PLXNA4: variants seen among roughly 807,000 people sequenced by gnomAD.
PLXNA4 encodes the protein plexin-A4.
PLXNA4 carries 44 observed loss-of-function variants against 191.8 expected under a neutral mutation model. The observed-to-expected ratio is 0.23, with a 90% CI of 0.18 to 0.29. The LOEUF (loss-of-function observed/expected upper bound fraction) is 0.29. Among genes scored for constraint, PLXNA4 ranks in the 10% least tolerant of loss-of-function variants. The pLI is 1.00. For synonymous variants in PLXNA4, 1,082 were observed against 1,009.5 expected, an observed-to-expected ratio of 1.07 and a Z score of -1.36; for missense variants, 1,800 against 2,488.8, an observed-to-expected ratio of 0.72 and a Z score of 5.89.
intron 3 of PLXNA4, among the ~76,000 whole-genome samples, chr7:132,439,324 C>A (rs912870964): frequency 1.3e-5 from 2 of 152,186 alleles, no homozygotes; most frequent in Non-Finnish European, 1.5e-5. Flanking sequence ...AGGCTATCTG[C>A]AAACTGGTCT....
rs10251524 is a variant in PLXNA4 at position 132,455,493 on chromosome 7, G to A, written c.1371+33799C>T. On this transcript the variant is annotated intron_variant, in intron 3 of 31. Transcript: ENST00000321063. ...CGCTCGAATTGACACTTGGAGACAT[G>A]CCAAACCCCAATGCACTCACTCACA... 9.4e-3 allele frequency among the ~76,000 whole-genome samples: 1,426 copies of A among 152,098 alleles called. 19 individuals are homozygous for A. Among genetic ancestry groups the A allele is most frequent in the African/African-American group, 0.033 (1,353 of 41,490 alleles).
intron 4 of PLXNA4, among the ~76,000 whole-genome samples, chr7:132,249,680 C>T (rs1799179386): frequency 1.3e-5 from 2 of 152,222 alleles, no homozygotes; most frequent in African/African-American, 4.8e-5. Context: ...AGGGCGGTGG[C>T]AAAGGTGGAA....
intron 19 of PLXNA4, 61 bp downstream of exon 19, chr7:132,180,525 T>C: frequency 1.3e-6 from 2 of 1,598,402 alleles, no homozygotes; most frequent in Non-Finnish European, 1.7e-6. Flanking sequence ...CTTGGTGGCC[T>C]GAGCTCACAT....
At chr7:132,225,615 C>CT (rs1242635152) in intron 8 of PLXNA4, among the ~76,000 whole-genome samples, 1 of 92,428 alleles carries the variant, frequency 1.1e-5, no homozygotes, top group African/African-American at 5.3e-5. Context: ...AGCCAGAGTC[C>CT]GCCCCCCCCC....
At chr7:132,271,300 C>T (rs1003245002) in intron 4 of PLXNA4, 1 of 152,038 alleles carries the variant, frequency 6.6e-6, no homozygotes, top group Non-Finnish European at 1.5e-5. Context: ...CCTATTCTAT[C>T]CTATCTCATC....
chr7:132,131,139 G>C (rs1794914372), intron 31 of PLXNA4, among the ~76,000 whole-genome samples: 1 of 152,152 alleles, frequency 6.6e-6, no homozygotes, highest in Non-Finnish European at 1.5e-5. Flanking sequence ...AGCTTTCCTG[G>C]TCATTAACAC....
At chr7:132,195,711 T>A (rs1482527300) in intron 13 of PLXNA4, among the ~76,000 whole-genome samples, 1 of 152,254 alleles carries the variant, frequency 6.6e-6, no homozygotes, top group East Asian at 1.9e-4. Context: ...GTTTTTAAGA[T>A]CTCATATAGC....
At chr7:132,497,885 A>G (rs1341545931) in intron 2 of PLXNA4, among the ~76,000 whole-genome samples, 5 of 152,148 alleles carry the variant, frequency 3.3e-5, no homozygotes, top group African/African-American at 7.2e-5. Flanking sequence ...TGTCTTTTTC[A>G]ATGAGATTGT....
chr7:132,609,078 A>C (rs1035234542), intron 2 of PLXNA4, among the ~76,000 whole-genome samples: 6 of 152,142 alleles, frequency 3.9e-5, no homozygotes, highest in African/African-American at 1.4e-4. Context: ...CTCAGTGTCC[A>C]CATGAGTGAC....
intron 3 of PLXNA4, among the ~76,000 whole-genome samples, chr7:132,344,490 C>T (rs747679049): frequency 6.6e-6 from 1 of 152,162 alleles, no homozygotes; most frequent in Non-Finnish European, 1.5e-5. Context: ...CGTGGAGCAA[C>T]TGCATGTGCC....
intron 9 of PLXNA4, among the ~76,000 whole-genome samples, chr7:132,214,627 G>A (rs1381091918): frequency 2.6e-5 from 4 of 152,014 alleles, no homozygotes; most frequent in African/African-American, 9.7e-5. Flanking sequence ...CTACAGATCT[G>A]ACACTCCAGG....
chr7:132,361,213 A>G (rs946996354), intron 3 of PLXNA4, among the ~76,000 whole-genome samples: 7 of 152,116 alleles, frequency 4.6e-5, no homozygotes, highest in Admixed American at 4.6e-4. Flanking sequence ...TTGGCAGATG[A>G]CAATCATGAG....
intron 2 of PLXNA4, among the ~76,000 whole-genome samples, chr7:132,617,637 C>T (rs1248924061): frequency 6.6e-6 from 1 of 152,144 alleles, no homozygotes; most frequent in East Asian, 1.9e-4. Flanking sequence ...AGGCTTCCTC[C>T]CATGAAATCT....
chr7:132,272,562 C>G (rs1057163648), intron 4 of PLXNA4, among the ~76,000 whole-genome samples: 4 of 152,164 alleles, frequency 2.6e-5, no homozygotes, highest in African/African-American at 9.7e-5. Flanking sequence ...CTGCCTAAAT[C>G]AAGTCAGTTG....
At chr7:132,153,661 C>T (rs901659668) in intron 25 of PLXNA4, among the ~76,000 whole-genome samples, 3 of 152,138 alleles carry the variant, frequency 2.0e-5, no homozygotes, top group African/African-American at 7.2e-5. Context: ...ACAGGCCAAC[C>T]TGGAAGGAGA....
chr7:132,553,509 A>G (rs1372143847), intron 1 of PLXNA4, among the ~76,000 whole-genome samples: 5 of 152,084 alleles, frequency 3.3e-5, no homozygotes, highest in Non-Finnish European at 7.4e-5. Context: ...CTCAATCTGA[A>G]GCACAGGCAC....
intron 16 of PLXNA4, among the ~76,000 whole-genome samples, chr7:132,184,518 C>G (rs1446123550): frequency 1.3e-5 from 2 of 152,208 alleles, no homozygotes; most frequent in Non-Finnish European, 2.9e-5. Context: ...CCTACTCCAT[C>G]TCCCTTGATG....
chr7:132,183,991 C>T (rs540984938), intron 16 of PLXNA4, among the ~76,000 whole-genome samples: 2 of 152,266 alleles, frequency 1.3e-5, no homozygotes, highest in African/African-American at 4.8e-5. Flanking sequence ...CATGGCTGTG[C>T]GCCAATAAAA....
intron 4 of PLXNA4, among the ~76,000 whole-genome samples, chr7:132,271,980 A>T (rs1470127117): frequency 6.6e-6 from 1 of 152,212 alleles, no homozygotes; most frequent in African/African-American, 2.4e-5. Context: ...GATTTTGAAA[A>T]TTTGGACAGA....
Sources: allele counts gnomAD v4.1 joint callset (sites outside exome capture counted in the v4.1 genomes callset), GRCh38; gene constraint gnomAD v4.1.1; transcripts MANE v1.5; gene names NCBI Gene and HGNC (gene_info 2026-07-23, HGNC 2026-07-21).